SLC38A3: variants seen among roughly 807,000 people sequenced by gnomAD.
SLC38A3 encodes the protein sodium-coupled neutral amino acid transporter 3.
SLC38A3 carries 17 observed loss-of-function variants against 59.5 expected under a neutral mutation model. The ratio of observed to expected loss-of-function variants is 0.29; its 90% CI spans 0.20 to 0.43. The LOEUF (loss-of-function observed/expected upper bound fraction) is 0.43, where lower values mean the gene tolerates loss of function less well. Ranked by LOEUF, SLC38A3 falls within the 20% of genes least tolerant of loss-of-function variation. The probability of loss-of-function intolerance (pLI) is 1.00; values close to 1 mark genes in which losing one functional copy is unlikely to be tolerated. For synonymous variants in SLC38A3, 238 were observed against 260.3 expected (o/e 0.91, Z 0.82); for missense variants, 454 against 653.9 (o/e 0.69, Z 3.33).
intron 1 of SLC38A3, among the ~76,000 whole-genome samples, chr3:50,206,075 G>A (rs976663248): frequency 2.0e-5 from 3 of 152,268 alleles, no homozygotes; most frequent in Non-Finnish European, 4.4e-5. Flanking sequence ...GCGCACGGCG[G>A]AGAGAAGGAA....
intron 1 of SLC38A3, among the ~76,000 whole-genome samples, chr3:50,209,045 C>T (rs1293070875): frequency 3.3e-5 from 5 of 152,226 alleles, no homozygotes; most frequent in Non-Finnish European, 7.3e-5. Flanking sequence ...ATTTGGCCGC[C>T]TCCAGGGGAT....
chr3:50,214,107 C>A lies in SLC38A3; in HGVS notation c.-51-42C>A. 8.0e-7 allele frequency: 1 copy of A among 1,253,140 alleles called. No individual in the cohort carries two copies. The highest frequency in any genetic ancestry group is 1.1e-6 in the Non-Finnish European group (1 of 880,730). 77.6% of individuals were successfully genotyped at this position (1,253,140 alleles called of 1,614,324 possible). A position where few individuals can be genotyped will look rare whatever the true frequency, so the allele number is the denominator to read the frequency against. On this transcript the variant is annotated intron_variant, in intron 1 of 15. Coordinates refer to ENST00000614032, the MANE Select transcript of SLC38A3 (RefSeq NM_006841.6). This position sits in a 1 kb window ranked among gnomAD's most constrained non-coding sequence, Gnocchi z 6.0. ...CTCAGGTAGGAGGCTAGGCCGTAGGCCCAAGTAACGGGGCTAACCAGAGGG... is the reference window on the plus strand; with the variant it reads ...CTCAGGTAGGAGGCTAGGCCGTAGGACCAAGTAACGGGGCTAACCAGAGGG...
Position 50,217,531 on chromosome 3 carries a change from C to A in SLC38A3, c.690+58C>A. ...GGCAGCGGGTCTCCTGGGGGAGTTC[C>A]CTGTCATCAGGAGGGGGCAGGTGTC... On this transcript the variant is annotated intron_variant, in intron 9 of 15. Transcript: ENST00000614032. The surrounding 1 kb of genome is among the most constrained non-coding windows in gnomAD (Gnocchi z 4.9). 1.3e-6 allele frequency: 2 copies of A among 1,591,320 alleles called. No homozygotes were observed. The highest frequency in any genetic ancestry group is 4.5e-5 in the East Asian group (2 of 44,170).
chr3:50,215,321 C>T lies in SLC38A3; in HGVS notation c.300-65C>T, dbSNP rs1364109131. 3 of 1,483,476 alleles carry T rather than the reference C, an allele frequency of 2.0e-6. No individual in the cohort carries two copies. The highest frequency in any genetic ancestry group is 2.8e-5 in the African/African-American group (2 of 72,192). 91.9% of individuals were successfully genotyped at this position (1,483,476 alleles called of 1,614,324 possible). On this transcript the variant is annotated intron_variant, in intron 4 of 15. Transcript: ENST00000614032. The surrounding 1 kb of genome is among the most constrained non-coding windows in gnomAD (Gnocchi z 7.1). ...CCCCCAGGCCTCCCAGAGCCCCTCA[C>T]CCTCTGCCAGCCACGGTAGCCCCCC...
At chr3:50,209,594 A>G (rs1038726384) in intron 1 of SLC38A3, among the ~76,000 whole-genome samples, 8 of 151,730 alleles carry the variant, frequency 5.3e-5, no homozygotes, top group Non-Finnish European at 7.4e-5. Flanking sequence ...GGTTGCAGTG[A>G]GCCGAGATCA....
At chr3:50,206,612 G>A (rs1699651435) in intron 1 of SLC38A3, among the ~76,000 whole-genome samples, 1 of 152,246 alleles carries the variant, frequency 6.6e-6, no homozygotes, top group Non-Finnish European at 1.5e-5. Flanking sequence ...TCACTGACGG[G>A]AGGGATCAGG....
intron 14 of SLC38A3, among the ~76,000 whole-genome samples, chr3:50,219,370 G>C (rs1280413677): frequency 6.6e-6 from 1 of 152,202 alleles, no homozygotes; most frequent in Non-Finnish European, 1.5e-5. Flanking sequence ...GGGGCTCTCA[G>C]CTGGTAGAGC....
chr3:50,205,287 G>C lies in SLC38A3; in HGVS notation c.-113G>C, dbSNP rs1297345641. 6.6e-6 allele frequency: 1 copy of C among 152,262 alleles called. No individual in the cohort carries two copies. Among genetic ancestry groups the C allele is most frequent in the Non-Finnish European group, 1.5e-5 (1 of 68,046 alleles). 9.4% of individuals were successfully genotyped at this position (152,262 alleles called of 1,614,324 possible). ...GTCGCTGTTGCAGCCGAGTTCAGCC[G>C]GGAGCAGAGCGAACCGCACCGGCCC... On this transcript the variant is annotated 5_prime_UTR_variant, in exon 1 of 16. Transcript: ENST00000614032.
In SLC38A3 at chr3:50,217,240, A is replaced by T. The variant is rs762572819; in HGVS notation, c.551A>T (p.Asp184Val). 1 of 1,610,874 alleles carries T rather than the reference A, an allele frequency of 6.2e-7. No homozygotes were observed. Among genetic ancestry groups the T allele is most frequent in the East Asian group, 2.2e-5 (1 of 44,846 alleles). Residue 184 changes from aspartate (D) to valine (V), a missense_variant and splice_region_variant, in exon 8 of 16, where the codon GAC (aspartate) becomes GTC (valine). This residue lies in a region of SLC38A3 where 390 missense variants were observed against 557.9 expected (regional missense o/e 0.70). Transcript: ENST00000614032. The surrounding 1 kb of genome is among the most constrained non-coding windows in gnomAD (Gnocchi z 4.9). ...TFLNLEEKTS[D>V]WYMNGNYLVI... ...GCTCCCGACTCATGTCCCTGCAGGG[A>T]CTGGTACATGAACGGGAACTACCTG...
intron 1 of SLC38A3, among the ~76,000 whole-genome samples, chr3:50,206,149 T>C (rs1168691225): frequency 6.6e-6 from 1 of 152,248 alleles, no homozygotes; most frequent in Non-Finnish European, 1.5e-5. Context: ...CCACAGCAAA[T>C]GCGTGCGTTT....
intron 7 of SLC38A3, among the ~76,000 whole-genome samples, chr3:50,216,168 C>T (rs1480428824): frequency 1.3e-5 from 2 of 152,216 alleles, no homozygotes; most frequent in Non-Finnish European, 2.9e-5. Context: ...TGGGGTTGCC[C>T]CCCCCAACCA....
At chr3:50,206,611 G>A (rs1054715839) in intron 1 of SLC38A3, among the ~76,000 whole-genome samples, 1 of 152,232 alleles carries the variant, frequency 6.6e-6, no homozygotes, top group African/African-American at 2.4e-5. Context: ...ATCACTGACG[G>A]GAGGGATCAG....
chr3:50,213,707 G>T (rs1447821946), intron 1 of SLC38A3, among the ~76,000 whole-genome samples: 1 of 152,208 alleles, frequency 6.6e-6, no homozygotes, highest in African/African-American at 2.4e-5. Context: ...CTGGACACAG[G>T]GCCAGTGCAG....
rs752651133 is a variant in SLC38A3, at chr3:50,217,760, G to C, written c.775G>C (p.Val259Leu). Residue 259 changes from valine (V) to leucine (L), a missense_variant, in exon 10 of 16, where the codon GTG becomes CTG. Physicochemically the swap from Val to Leu is conservative, Grantham distance 32. This residue lies in a region of SLC38A3 where 390 missense variants were observed against 557.9 expected (regional missense o/e 0.70). Coordinates refer to ENST00000614032, the MANE Select transcript of SLC38A3 (RefSeq NM_006841.6). This position sits in a 1 kb window ranked among gnomAD's most constrained non-coding sequence, Gnocchi z 4.9. ...AGGCAACTTCAGCCACGTGGAGATCGTGAAGGAGAAGGTGCAGCTGCAGGT... is the reference window on the plus strand; with the variant it reads ...AGGCAACTTCAGCCACGTGGAGATCCTGAAGGAGAAGGTGCAGCTGCAGGT... ...TTGNFSHVEI[V>L]KEKVQLQVEP... The C allele has an allele frequency of 5.6e-6, 9 of 1,613,574 alleles. No individual in the cohort carries two copies. The Admixed American group carries it at 1.5e-4, about 27-fold the overall frequency.
rs1699837842 is a variant in SLC38A3 at position 50,217,722 on chromosome 3, TCAA to T, written c.743_745del (p.Asn248del). The stretch of plus-strand genomic sequence containing the variant: ...GTGCCCTGCCCACTGCCCCCCAACT[TCAA>T]CAACACCACAGGCAACTTCAGCCAC... On this transcript the variant is annotated inframe_deletion, in exon 10 of 16. Transcript: ENST00000614032. This position sits in a 1 kb window ranked among gnomAD's most constrained non-coding sequence, Gnocchi z 4.9. 7 of 1,613,754 alleles carry T rather than the reference TCAA, an allele frequency of 4.3e-6. No homozygotes were observed. In the East Asian group the frequency reaches 1.3e-4, roughly 31 times the overall value.
rs747924279 is a variant in SLC38A3 at position 50,217,363 on chromosome 3, C to T, written c.631+43C>T. On this transcript the variant is annotated intron_variant, in intron 8 of 15. Transcript: ENST00000614032. This position sits in a 1 kb window ranked among gnomAD's most constrained non-coding sequence, Gnocchi z 4.9. ...AGAGCCTTGGAGGGGATGTTGGAGG[C>T]ATACACCATGGGAGGGGCCCCAGGT... 1 of 1,610,452 alleles carries T rather than the reference C, an allele frequency of 6.2e-7. No individual in the cohort carries two copies. The highest frequency in any genetic ancestry group is 8.5e-7 in the Non-Finnish European group (1 of 1,177,596).
At chr3:50,206,728 G>C (rs1313968250) in intron 1 of SLC38A3, among the ~76,000 whole-genome samples, 4 of 152,238 alleles carry the variant, frequency 2.6e-5, no homozygotes, top group African/African-American at 9.6e-5. Context: ...TGAATCTCTG[G>C]GGAGGGTAGG....
At position 50,215,386 on chromosome 3, in the gene SLC38A3, G is replaced by A. The variant is rs766286853; in HGVS notation, c.300G>A (p.Leu100=). The A allele has an allele frequency of 6.2e-7, 1 of 1,613,928 alleles. No individual in the cohort carries two copies. Among genetic ancestry groups the A allele is most frequent in the South Asian group, 1.1e-5 (1 of 91,080 alleles). Residue 100 remains leucine (L), a splice_region_variant and synonymous_variant, in exon 5 of 16, where the codon CTG becomes CTA. Coordinates refer to ENST00000614032, the MANE Select transcript of SLC38A3 (RefSeq NM_006841.6). The surrounding 1 kb of genome is among the most constrained non-coding windows in gnomAD (Gnocchi z 7.1). ...AMANTGIILF[L]FLLTAVALLS... The stretch of plus-strand genomic sequence containing the variant: ...CTTCCATCTTCCCATGTGTCCCCAG[G>A]TTCCTGTTGACAGCTGTCGCCTTGC...
chr3:50,218,117 C>A lies in SLC38A3; in HGVS notation c.935+121C>A. Reference sequence around the variant, plus strand: ...GCCAAGTCACTTTATCTGAGATGTCCTTGGCAGCCATGAGAGGTGATTATG... The same window carrying A: ...GCCAAGTCACTTTATCTGAGATGTCATTGGCAGCCATGAGAGGTGATTATG... On this transcript the variant is annotated intron_variant, in intron 11 of 15. Transcript: ENST00000614032. This position sits in a 1 kb window ranked among gnomAD's most constrained non-coding sequence, Gnocchi z 5.8. The A allele has an allele frequency of 1.8e-6, 2 of 1,122,384 alleles. No homozygotes were observed. The highest frequency in any genetic ancestry group is 1.3e-5 in the South Asian group (1 of 76,092). 69.5% of individuals were successfully genotyped at this position (1,122,384 alleles called of 1,614,324 possible). A position where few individuals can be genotyped will look rare whatever the true frequency, so the allele number is the denominator to read the frequency against.
Sources: gnomAD v4.1 joint callset for allele counts (sites outside exome capture counted in the v4.1 genomes callset) on GRCh38, gnomAD v4.1.1 for gene constraint, gnomAD v4.1.1 regional missense constraint, Gnocchi (gnomAD v3.1) non-coding constraint, MANE v1.5 for transcripts, NCBI Gene and HGNC (gene_info 2026-07-23, HGNC 2026-07-21) for gene names.